The following FILIP1 variants were observed in gnomAD, a reference collection of about 807,000 sequenced individuals.
FILIP1 encodes filamin A interacting protein 1.
In FILIP1, 61 loss-of-function variants were observed where a neutral mutation model predicts 102.1. That is an observed-to-expected ratio of 0.60 (90% confidence interval 0.49 to 0.74). FILIP1 has a LOEUF of 0.74. Ranked by LOEUF, FILIP1 falls within the 30% of genes least tolerant of loss-of-function variation. The pLI is 0.00. For missense variants in FILIP1, 1,314 were observed against 1,441.2 expected, an observed-to-expected ratio of 0.91 and a Z score of 1.43; for synonymous variants, 491 against 526.9, an observed-to-expected ratio of 0.93 and a Z score of 0.93.
At chr6:75,452,462 T>TTA (rs1778666968) in intron 1 of FILIP1, among the ~76,000 whole-genome samples, 1 of 152,220 alleles carries the variant, frequency 6.6e-6, no homozygotes, top group Non-Finnish European at 1.5e-5. Context: ...GGCTGCATAG[T>TTA]ATTCCATGGT....
At chr6:75,367,189 T>C (rs1424633956) in intron 2 of FILIP1, 1 of 152,212 alleles carries the variant, frequency 6.6e-6, no homozygotes, top group Non-Finnish European at 1.5e-5. Flanking sequence ...AATTGTGATA[T>C]GCTACATATA....
intron 1 of FILIP1, among the ~76,000 whole-genome samples, chr6:75,425,332 T>A (rs539693289): frequency 1.6e-4 from 24 of 152,292 alleles, no homozygotes; most frequent in African/African-American, 5.1e-4. Context: ...ATGAACTAAT[T>A]AAGGTGCGCT....
intron 1 of FILIP1, among the ~76,000 whole-genome samples, chr6:75,484,067 T>C (rs1223550491): frequency 1.3e-5 from 2 of 152,148 alleles, no homozygotes; most frequent in African/African-American, 4.8e-5. Flanking sequence ...GGGACTTAAG[T>C]TCTGGTCCTT....
At chr6:75,441,182 C>T (rs1478124700) in intron 1 of FILIP1, among the ~76,000 whole-genome samples, 23 of 151,458 alleles carry the variant, frequency 1.5e-4, no homozygotes, top group Non-Finnish European at 4.4e-5. Flanking sequence ...GTGGTGATGA[C>T]TCTTAACGAG....
intron 4 of FILIP1, among the ~76,000 whole-genome samples, chr6:75,329,159 T>A (rs1408373650): frequency 6.6e-6 from 1 of 152,204 alleles, no homozygotes; most frequent in Admixed American, 6.5e-5. Context: ...ATCCTAATTA[T>A]CCATTCTTGT....
At chr6:75,303,187 G>C (rs1025441314), downstream of FILIP1, among the ~76,000 whole-genome samples, 3 of 152,022 alleles carry the variant, frequency 2.0e-5, no homozygotes, top group African/African-American at 7.3e-5. Context: ...AGAATAATAA[G>C]AGAAGGAGAA....
chr6:75,419,437 G>A (rs1470902787), intron 1 of FILIP1, among the ~76,000 whole-genome samples: 5 of 152,144 alleles, frequency 3.3e-5, no homozygotes, highest in Admixed American at 2.0e-4. Flanking sequence ...CCTACCTAGT[G>A]CATAGAATGA....
chr6:75,475,020 C>T (rs1319107387), intron 1 of FILIP1, among the ~76,000 whole-genome samples: 1 of 152,114 alleles, frequency 6.6e-6, no homozygotes, highest in Admixed American at 6.5e-5. Context: ...AAGAGCCAAG[C>T]ATATGCCAGC....
chr6:75,457,204 C>G (rs1383309711), intron 1 of FILIP1, among the ~76,000 whole-genome samples: 1 of 152,140 alleles, frequency 6.6e-6, no homozygotes. Context: ...TAAAAAAATG[C>G]CAGACCCTAA....
Position 75,312,816 on chromosome 6 carries a change from G to C in FILIP1, c.3016C>G (p.Pro1006Ala), listed in dbSNP as rs370253937. 1.9e-6 allele frequency: 3 copies of C among 1,614,002 alleles called. No individual in the cohort carries two copies. The African/African-American group carries it at 4.0e-5, about 22-fold the overall frequency. ...RGAFADRPTS[P>A]IQIMTVSTSA... ...GTAGACACCGTCATTATCTGAATAG[G>C]GGATGTGGGCCTGTCTGCAAATGCG... The change falls in exon 5 of 6, where the codon CCT (proline) becomes GCT (alanine). Residue 1006 changes from proline to alanine, a missense_variant. By Grantham distance (27) the Pro-to-Ala change is conservative. Coordinates refer to ENST00000237172, the MANE Select transcript of FILIP1 (RefSeq NM_015687.5).
rs2149540721 is a variant in FILIP1, at chr6:75,308,803, C to T, written c.3530G>A (p.Gly1177Glu). 1.9e-6 allele frequency: 3 copies of T among 1,614,052 alleles called. No homozygotes were observed. The highest frequency in any genetic ancestry group is 4.5e-5 in the East Asian group (2 of 44,866). The change falls in exon 6 of 6, where the codon GGA (glycine) becomes GAA (glutamate). Residue 1177 changes from glycine to glutamate, a missense_variant. Transcript: ENST00000237172. The stretch of plus-strand genomic sequence containing the variant: ...CTCGAATTTGGTCAGATTTCCTGCT[C>T]CTGGGGCTGCCACTACTGGCTTTCC... ...KAGKPVVAAP[G>E]AGNLTKFEPR... is the part of the protein sequence containing the mutation.
intron 3 of FILIP1, among the ~76,000 whole-genome samples, chr6:75,361,238 G>A (rs1775163515): frequency 6.6e-6 from 1 of 152,074 alleles, no homozygotes; most frequent in Admixed American, 6.5e-5. Context: ...TTTAGGTCAG[G>A]CCTACTTTCT....
chr6:75,410,451 G>A (rs2951943), intron 2 of FILIP1, among the ~76,000 whole-genome samples: 5,755 of 151,494 alleles, frequency 0.038, 374 homozygotes, highest in African/African-American at 0.13. Flanking sequence ...CAGAACATGC[G>A]GGTTTGTTAC....
At chr6:75,365,230 T>A (rs1400678874) in intron 2 of FILIP1, among the ~76,000 whole-genome samples, 1 of 151,876 alleles carries the variant, frequency 6.6e-6, no homozygotes, top group Non-Finnish European at 1.5e-5. Flanking sequence ...TATAAAAAAA[T>A]TAAAAAGAAT....
chr6:75,443,989 G>A (rs1057239271), intron 1 of FILIP1, among the ~76,000 whole-genome samples: 6 of 152,130 alleles, frequency 3.9e-5, no homozygotes, highest in African/African-American at 1.4e-4. Context: ...AGTCATGAAT[G>A]GTGACAACTC....
intron 1 of FILIP1, among the ~76,000 whole-genome samples, chr6:75,465,739 T>A (rs986892740): frequency 3.3e-5 from 5 of 152,164 alleles, no homozygotes; most frequent in Non-Finnish European, 5.9e-5. Context: ...CTAATTTTTG[T>A]CCACTTGAAA....
chr6:75,368,315 C>T (rs760901863), intron 2 of FILIP1, among the ~76,000 whole-genome samples: 4 of 152,130 alleles, frequency 2.6e-5, no homozygotes, highest in Non-Finnish European at 4.4e-5. Context: ...TGCGATTCAT[C>T]GTATAAAGTC....
chr6:75,347,252 T>C (rs960476132), intron 4 of FILIP1, among the ~76,000 whole-genome samples: 4 of 152,242 alleles, frequency 2.6e-5, no homozygotes, highest in Non-Finnish European at 4.4e-5. Context: ...GGAATTTAAC[T>C]TCTCTGCTTC....
intron 2 of FILIP1, among the ~76,000 whole-genome samples, chr6:75,396,210 G>A (rs1484114518): frequency 6.6e-6 from 1 of 151,714 alleles, no homozygotes; most frequent in Non-Finnish European, 1.5e-5. Context: ...GAAAGATAAG[G>A]CTGAAGTGGT....
Sources: gnomAD v4.1 joint callset for allele counts (sites outside exome capture counted in the v4.1 genomes callset) on GRCh38, gnomAD v4.1.1 for gene constraint, MANE v1.5 for transcripts, NCBI Gene and HGNC (gene_info 2026-07-23, HGNC 2026-07-21) for gene names.